ADK: variants seen among roughly 807,000 people sequenced by gnomAD.
The protein encoded by ADK is N6,N6-dimethyladenosine kinase.
In ADK, 24 loss-of-function variants were observed where a neutral mutation model predicts 44.7. The ratio of observed to expected loss-of-function variants is 0.54; its 90% confidence interval spans 0.39 to 0.76. The LOEUF (loss-of-function observed/expected upper bound fraction) is 0.76, where lower values mean the gene tolerates loss of function less well. Ranked by LOEUF, ADK falls within the 30% of genes least tolerant of loss-of-function variation. The pLI, the probability that ADK is intolerant of heterozygous loss-of-function variation, is 0.00. For missense variants in ADK, 321 were observed against 425.1 expected, an observed-to-expected ratio of 0.76 and a Z score of 2.15; for synonymous variants, 128 against 142.6, an observed-to-expected ratio of 0.90 and a Z score of 0.73.
chr10:74,463,356 C>G (rs934505569), intron 6 of ADK, among the ~76,000 whole-genome samples: 2 of 152,124 alleles, frequency 1.3e-5, no homozygotes, highest in Non-Finnish European at 2.9e-5. Context: ...ACTTGTTTTC[C>G]TGCAACTAGA....
At chr10:74,678,040 C>T (rs991636426) in intron 10 of ADK, among the ~76,000 whole-genome samples, 3 of 141,190 alleles carry the variant, frequency 2.1e-5, no homozygotes, top group Non-Finnish European at 4.5e-5. Flanking sequence ...ACTCAAGAAG[C>T]TGAGGTGGGA....
At chr10:74,489,704 G>A (rs981331458) in intron 6 of ADK, among the ~76,000 whole-genome samples, 1 of 151,360 alleles carries the variant, frequency 6.6e-6, no homozygotes, top group African/African-American at 2.4e-5. Context: ...ATTCCAACTG[G>A]AATAATATGG....
intron 10 of ADK, among the ~76,000 whole-genome samples, chr10:74,673,442 A>T (rs1855257485): frequency 6.6e-6 from 1 of 152,144 alleles, no homozygotes; most frequent in South Asian, 2.1e-4. Flanking sequence ...AGCGAACTTC[A>T]CTCACTCGCT....
intron 1 of ADK, among the ~76,000 whole-genome samples, chr10:74,190,020 CT>C (rs1372067548): frequency 6.6e-6 from 1 of 152,158 alleles, no homozygotes; most frequent in Non-Finnish European, 1.5e-5. Flanking sequence ...GTTATTTTCA[CT>C]TTTGGGCTGC....
intron 3 of ADK, among the ~76,000 whole-genome samples, chr10:74,262,174 C>G (rs984061532): frequency 1.3e-5 from 2 of 151,982 alleles, no homozygotes. Flanking sequence ...CAAAAATTAG[C>G]TGGGTATGGT....
chr10:74,255,760 T>G (rs1047940367), intron 3 of ADK, among the ~76,000 whole-genome samples: 5 of 152,236 alleles, frequency 3.3e-5, no homozygotes, highest in African/African-American at 4.8e-5. Flanking sequence ...TTAAGCAAAC[T>G]TACTTTTGCA....
intron 2 of ADK, among the ~76,000 whole-genome samples, chr10:74,208,146 G>A (rs1010013666): frequency 3.9e-5 from 6 of 152,274 alleles, no homozygotes; most frequent in African/African-American, 1.4e-4. Flanking sequence ...ATGGGAACAG[G>A]CACTTCTGAG....
At chr10:74,326,463 G>A (rs1564655174) in intron 4 of ADK, among the ~76,000 whole-genome samples, 1 of 151,608 alleles carries the variant, frequency 6.6e-6, no homozygotes, top group Non-Finnish European at 1.5e-5. Flanking sequence ...GCTTGGTGTG[G>A]TGGTACACAC....
At chr10:74,437,503 C>T (rs904272536) in intron 6 of ADK, among the ~76,000 whole-genome samples, 39 of 152,244 alleles carry the variant, frequency 2.6e-4, no homozygotes, top group African/African-American at 9.1e-4. Context: ...CCTAGCCAAA[C>T]CCTAGGAGTC....
chr10:74,708,296 G>T, intron 10 of ADK, 25 bp from the exon 11 acceptor site: 1 of 1,605,076 alleles, frequency 6.2e-7, no homozygotes. Flanking sequence ...CAATACTCAT[G>T]TGTTTTTTTT....
rs776166766 is a variant in ADK at position 74,572,549 on chromosome 10, T to C, written c.727-16733T>C. Among the ~76,000 whole-genome samples, 138 of 152,356 alleles carry C rather than the reference T, an allele frequency of 9.1e-4. 3 individuals carry two copies. Among genetic ancestry groups the C allele is most frequent in the Non-Finnish European group, 1.9e-3 (126 of 68,034 alleles). On this transcript the variant is annotated intron_variant, in intron 7 of 10. Transcript: ENST00000539909. ...GTGTTTGCTGAATCTGAATGTTGGC[T>C]GCCTTGCTAGATTGGGGAAGTTCTC...
chr10:74,641,386 T>A (rs2134098200), intron 9 of ADK: 1 of 152,180 alleles, frequency 6.6e-6, no homozygotes, highest in East Asian at 1.9e-4. Flanking sequence ...AATAAATAAT[T>A]TTTTGGTGGT....
At chr10:74,200,665 T>C (rs1488786651) in intron 1 of ADK, 99 bp from the exon 2 acceptor site, 2 of 816,520 alleles carry the variant, frequency 2.4e-6, no homozygotes, top group Non-Finnish European at 4.1e-6. Context: ...TAGGTTTATT[T>C]TCAGGTTGAA....
At chr10:74,476,380 T>A (rs985435176) in intron 6 of ADK, among the ~76,000 whole-genome samples, 4 of 151,794 alleles carry the variant, frequency 2.6e-5, no homozygotes, top group Non-Finnish European at 4.4e-5. Context: ...TAATCCCAGC[T>A]ACTCGGGAGG....
chr10:74,295,291 G>A (rs1160183141), intron 3 of ADK, among the ~76,000 whole-genome samples: 1 of 151,670 alleles, frequency 6.6e-6, no homozygotes, highest in Non-Finnish European at 1.5e-5. Flanking sequence ...GTGAAACCCC[G>A]TTTCTACTAA....
intron 10 of ADK, among the ~76,000 whole-genome samples, chr10:74,683,219 T>C (rs1430007624): frequency 6.6e-6 from 1 of 152,152 alleles, no homozygotes; most frequent in Non-Finnish European, 1.5e-5. Flanking sequence ...TGTGAACATC[T>C]AAGTAAGTGA....
intron 6 of ADK, among the ~76,000 whole-genome samples, chr10:74,417,597 C>A (rs887194680): frequency 1.3e-4 from 20 of 152,018 alleles, no homozygotes; most frequent in Admixed American, 3.9e-4. Context: ...TGACAGCAAT[C>A]CTGAAACATG....
At chr10:74,432,651 G>A (rs912262496) in intron 6 of ADK, among the ~76,000 whole-genome samples, 1 of 151,890 alleles carries the variant, frequency 6.6e-6, no homozygotes, top group African/African-American at 2.4e-5. Context: ...CATCTATAAC[G>A]TCTGTTACTT....
intron 4 of ADK, among the ~76,000 whole-genome samples, chr10:74,318,280 A>C (rs76166317): frequency 6.6e-6 from 1 of 151,918 alleles, no homozygotes; most frequent in East Asian, 1.9e-4. Context: ...TCCTTCCTCC[A>C]TCTCCACCTC....
Sources: gnomAD v4.1 joint callset for allele counts (sites outside exome capture counted in the v4.1 genomes callset) on GRCh38, gnomAD v4.1.1 for gene constraint, MANE v1.5 for transcripts, NCBI Gene and HGNC (gene_info 2026-07-23, HGNC 2026-07-21) for gene names.